Variants in MAF observed in about 807,000 individuals in gnomAD.
The protein encoded by MAF is MAF bZIP transcription factor.
A neutral mutation model predicts 22.0 loss-of-function variants in MAF; 10 were observed. The observed-to-expected ratio is 0.45, with a 90% CI of 0.28 to 0.77. The LOEUF is 0.77. Ranked by LOEUF, MAF falls within the 30% of genes least tolerant of loss-of-function variation. MAF has a pLI of 0.12. For missense variants in MAF, 544 were observed against 548.4 expected, an observed-to-expected ratio of 0.99 and a Z score of 0.08; for synonymous variants, 337 against 255.8, an observed-to-expected ratio of 1.32 and a Z score of -3.03.
At chr16:79,245,623 T>C in the MAF span, among the ~76,000 whole-genome samples, 1 of 151,978 alleles carries the variant, frequency 6.6e-6, no homozygotes, top group East Asian at 1.9e-4. Flanking sequence ...TGTACAGTAG[T>C]TCAACCATTG....
At chr16:79,361,133 G>A in the MAF span, among the ~76,000 whole-genome samples, 1 of 152,200 alleles carries the variant, frequency 6.6e-6, no homozygotes, top group Admixed American at 6.5e-5. Flanking sequence ...ACAGGAATCA[G>A]TAGTACAGAT....
the MAF span, among the ~76,000 whole-genome samples, chr16:79,334,174 G>T: frequency 6.6e-6 from 1 of 152,228 alleles, no homozygotes; most frequent in East Asian, 1.9e-4. Context: ...TATTCCTAAA[G>T]CTGAGAACAG....
At chr16:79,546,886 G>T in the MAF span, among the ~76,000 whole-genome samples, 1 of 152,030 alleles carries the variant, frequency 6.6e-6, no homozygotes, top group Middle Eastern at 3.4e-3. Flanking sequence ...TTATGAATTG[G>T]AAACTAATTA....
the MAF span, among the ~76,000 whole-genome samples, chr16:79,545,272 C>G: frequency 6.6e-6 from 1 of 152,112 alleles, no homozygotes; most frequent in Non-Finnish European, 1.5e-5. Flanking sequence ...GCAAATCAAG[C>G]TTGGAGAACA....
the MAF span, among the ~76,000 whole-genome samples, chr16:79,574,518 T>C: frequency 6.6e-6 from 1 of 152,174 alleles, no homozygotes; most frequent in Non-Finnish European, 1.5e-5. Context: ...GCATCTCTCT[T>C]AGTTCAAGTG....
the MAF span, among the ~76,000 whole-genome samples, chr16:79,399,933 G>A: frequency 6.6e-6 from 1 of 152,176 alleles, no homozygotes; most frequent in African/African-American, 2.4e-5. Context: ...ACGTGGGTTA[G>A]TACCTGCCCA....
chr16:79,533,465 C>T, the MAF span, among the ~76,000 whole-genome samples: 12 of 152,260 alleles, frequency 7.9e-5, no homozygotes, highest in African/African-American at 2.6e-4. Context: ...GTAGTGTGGT[C>T]ATTCACAACC....
downstream of MAF, among the ~76,000 whole-genome samples, chr16:79,590,306 A>G (rs1244996687): frequency 6.6e-6 from 1 of 152,172 alleles, no homozygotes; most frequent in Non-Finnish European, 1.5e-5. Flanking sequence ...CCTTCATTCC[A>G]GGCTTCAAGA....
chr16:79,499,842 A>G, the MAF span, among the ~76,000 whole-genome samples: 14 of 152,340 alleles, frequency 9.2e-5, no homozygotes, highest in Admixed American at 8.5e-4. Flanking sequence ...CCATGTCCTA[A>G]TCCCTACAAT....
the MAF span, among the ~76,000 whole-genome samples, chr16:79,230,389 AT>A: frequency 6.6e-6 from 1 of 152,194 alleles, no homozygotes; most frequent in Non-Finnish European, 1.5e-5. Context: ...GAGAGTCACC[AT>A]CCGCCTTGAA....
the MAF span, among the ~76,000 whole-genome samples, chr16:79,243,152 A>T: frequency 1.3e-5 from 2 of 152,200 alleles, no homozygotes; most frequent in East Asian, 3.9e-4. Flanking sequence ...TAGAGAAGCA[A>T]GAGCAAACAA....
At chr16:79,551,896 G>A in the MAF span, among the ~76,000 whole-genome samples, 2 of 151,992 alleles carry the variant, frequency 1.3e-5, no homozygotes, top group African/African-American at 4.8e-5. Flanking sequence ...GCCCTCTATG[G>A]AAATTTCCTG....
the MAF span, among the ~76,000 whole-genome samples, chr16:79,271,426 C>G: frequency 6.6e-6 from 1 of 152,118 alleles, no homozygotes; most frequent in African/African-American, 2.4e-5. Context: ...GCCCGGTAAC[C>G]TTAGGCAAGT....
chr16:79,407,963 A>G, the MAF span, among the ~76,000 whole-genome samples: 91,901 of 151,124 alleles, frequency 0.61, 28,753 homozygotes, highest in East Asian at 0.99. Flanking sequence ...AAGGATCCTA[A>G]GAGAGGAAAT....
chr16:79,526,156 G>C, the MAF span, among the ~76,000 whole-genome samples: 3 of 152,168 alleles, frequency 2.0e-5, no homozygotes, highest in South Asian at 6.2e-4. Context: ...GAGAAATGGC[G>C]TTAGACCAGC....
the MAF span, among the ~76,000 whole-genome samples, chr16:79,408,890 A>G: frequency 6.6e-6 from 1 of 152,182 alleles, no homozygotes; most frequent in Non-Finnish European, 1.5e-5. Flanking sequence ...TCTCACATTA[A>G]AAAGAGTTAT....
At chr16:79,444,155 A>C in the MAF span, among the ~76,000 whole-genome samples, 4 of 152,124 alleles carry the variant, frequency 2.6e-5, no homozygotes, top group Non-Finnish European at 1.5e-5. Flanking sequence ...AATATGTATT[A>C]TAGTAACATT....
the MAF span, among the ~76,000 whole-genome samples, chr16:79,372,462 A>T: frequency 2.0e-5 from 3 of 152,210 alleles, no homozygotes; most frequent in Non-Finnish European, 4.4e-5. Context: ...ATTTTCTTAA[A>T]AGCATGTTAA....
At chr16:79,409,152 A>G in the MAF span, among the ~76,000 whole-genome samples, 1 of 152,136 alleles carries the variant, frequency 6.6e-6, no homozygotes, top group Non-Finnish European at 1.5e-5. Flanking sequence ...CTCAACCTGA[A>G]CAGAAACTCT....
Sources: gnomAD v4.1 joint callset for allele counts (sites outside exome capture counted in the v4.1 genomes callset) on GRCh38, gnomAD v4.1.1 for gene constraint, MANE v1.5 for transcripts, NCBI Gene and HGNC (gene_info 2026-07-23, HGNC 2026-07-21) for gene names.